The following IFT140 variants were observed in gnomAD, a reference collection of about 807,000 sequenced individuals.
IFT140 encodes intraflagellar transport protein 140 homolog.
In IFT140, 133 loss-of-function variants were observed where a neutral mutation model predicts 164.6. That is an observed-to-expected ratio of 0.81 (90% confidence interval 0.70 to 0.93). The LOEUF (loss-of-function observed/expected upper bound fraction) is 0.93, where lower values mean the gene tolerates loss of function less well. Ranked by LOEUF, IFT140 falls within the 40% of genes least tolerant of loss-of-function variation. IFT140 has a pLI of 0.00. For synonymous variants in IFT140, 860 were observed against 817.3 expected, an observed-to-expected ratio of 1.05 and a Z score of -0.89; for missense variants, 2,045 against 1,972.3, an observed-to-expected ratio of 1.04 and a Z score of -0.70.
chr16:1,583,437 A>AGTTGCACCTC, intron 11 of IFT140, 51 bp from the exon 12 acceptor site: 1 of 1,485,070 alleles, frequency 6.7e-7, no homozygotes, highest in Non-Finnish European at 9.4e-7. Flanking sequence ...AGTGAGGTGC[A>AGTTGCACCTC]ACTGTACACC....
Position 1,519,949 on chromosome 16 carries a change from G to T in IFT140, c.3972C>A (p.Asp1324Glu). 1 of 1,606,148 alleles carries T rather than the reference G, an allele frequency of 6.2e-7. No individual in the cohort carries two copies. The highest frequency in any genetic ancestry group is 1.3e-5 in the African/African-American group (1 of 74,472). ...LAKAKAKSPLDQETRLAQLQS... is the reference protein window; with the variant it reads ...LAKAKAKSPLEQETRLAQLQS... Reference sequence around the variant, plus strand: ...GCAGCTGCGCCAGCCTGGTCTCCTGGTCCAGGGGGCTCTTGGCCTTGGCCT... The same window carrying T: ...GCAGCTGCGCCAGCCTGGTCTCCTGTTCCAGGGGGCTCTTGGCCTTGGCCT... Residue 1324 changes from aspartate (D) to glutamate (E), a missense_variant, in exon 29 of 31, where the codon GAC becomes GAA. Transcript: ENST00000426508.
intron 19 of IFT140, among the ~76,000 whole-genome samples, chr16:1,550,553 G>A (rs2032549529): frequency 6.6e-6 from 1 of 152,376 alleles, no homozygotes; most frequent in East Asian, 1.9e-4. Flanking sequence ...GGTGGGCCTC[G>A]AGGGACCCAG....
In IFT140 at chr16:1,520,233, C is replaced by T; in HGVS notation, c.3771G>A (p.Leu1257=). 2.5e-6 allele frequency: 4 copies of T among 1,614,248 alleles called. No individual in the cohort carries two copies. The highest frequency in any genetic ancestry group is 3.4e-6 in the Non-Finnish European group (4 of 1,180,052). Residue 1257 remains leucine (L), a synonymous_variant, in exon 28 of 31, where the codon CTG becomes CTA. Transcript: ENST00000426508. ...YIMAANYLQS[L]DWRKEPEIMK... ...TGATCTCCGGCTCCTTCCGCCAGTC[C>T]AGGGACTGCAGGTAGTTAGCAGCCA... is the stretch of plus-strand genomic sequence containing the variant.
chr16:1,514,815 T>G (rs547097421), intron 30 of IFT140: 1 of 152,252 alleles, frequency 6.6e-6, no homozygotes, highest in African/African-American at 2.4e-5. Context: ...ACCCAGATAT[T>G]GGAACCGGTA....
intron 9 of IFT140, among the ~76,000 whole-genome samples, 165 bp from the exon 10 acceptor site, chr16:1,586,440 C>G (rs998942747): frequency 7.9e-5 from 12 of 152,124 alleles, no homozygotes; most frequent in Non-Finnish European, 1.5e-4. Context: ...CCTTGCTGCC[C>G]TGACCTCACA....
intron 10 of IFT140, 127 bp downstream of exon 10, chr16:1,586,003 C>T (rs2034854534): frequency 3.8e-6 from 4 of 1,061,852 alleles, no homozygotes; most frequent in African/African-American, 1.6e-5. Flanking sequence ...GATCTCCTGA[C>T]CTCATGATCC....
intron 7 of IFT140, among the ~76,000 whole-genome samples, chr16:1,588,712 C>T (rs375759406): frequency 3.3e-5 from 5 of 151,974 alleles, no homozygotes; most frequent in East Asian, 1.9e-4. Context: ...CAGGGCCCAC[C>T]GGCCAGTGAG....
chr16:1,602,219 C>T (rs2035829117), intron 4 of IFT140, 151 bp downstream of exon 4: 8 of 728,350 alleles, frequency 1.1e-5, no homozygotes, highest in Non-Finnish European at 1.8e-5. Context: ...TCAAGCCTTG[C>T]TTCCAATATA....
At chr16:1,574,165 C>A (rs1032697910) in intron 13 of IFT140, among the ~76,000 whole-genome samples, 3 of 152,310 alleles carry the variant, frequency 2.0e-5, no homozygotes, top group South Asian at 4.2e-4. Flanking sequence ...TCCCTCTTTT[C>A]GGCCTTAAAA....
chr16:1,607,649 C>T (rs2036144726), intron 2 of IFT140, among the ~76,000 whole-genome samples: 1 of 152,204 alleles, frequency 6.6e-6, no homozygotes, highest in Admixed American at 6.5e-5. Context: ...TTCTGTAGTT[C>T]CCTTTAACTT....
chr16:1,541,248 G>A (rs2031604399), intron 19 of IFT140: 28 of 985,454 alleles, frequency 2.8e-5, no homozygotes, highest in Non-Finnish European at 3.4e-5. Flanking sequence ...TGAAAGATTT[G>A]TGGCAGATGG....
In IFT140 at chr16:1,586,310, T is replaced by TA. The variant is rs544798316; in HGVS notation, c.1010-36dup. On this transcript the variant is annotated intron_variant, in intron 9 of 30. Transcript: ENST00000426508. ...GAAACAAACTGCATGTGAACAGAGT[T>TA]AAAAAAAGGGAACAAAACAGCAACA... is the stretch of plus-strand genomic sequence containing the variant. 1.8e-3 allele frequency: 2,802 copies of TA among 1,581,986 alleles called. 6 individuals carry two copies. Among genetic ancestry groups the TA allele is most frequent in the African/African-American group, 8.8e-3 (649 of 73,658 alleles).
At chr16:1,545,741 A>T in intron 19 of IFT140, among the ~76,000 whole-genome samples, 1 of 152,258 alleles carries the variant, frequency 6.6e-6, no homozygotes, top group Admixed American at 6.5e-5. Flanking sequence ...GGAAAGCCAG[A>T]GTGCAGCACA....
At chr16:1,529,331 G>A (rs1056951898) in intron 19 of IFT140, among the ~76,000 whole-genome samples, 1 of 152,224 alleles carries the variant, frequency 6.6e-6, no homozygotes. Context: ...CTGGGGGGCC[G>A]GGAAGTGAGC....
chr16:1,563,292 A>G (rs1463584396), intron 17 of IFT140, among the ~76,000 whole-genome samples: 2 of 150,888 alleles, frequency 1.3e-5, no homozygotes, highest in Non-Finnish European at 2.9e-5. Flanking sequence ...CTGACTGCAG[A>G]TAACTTTTTT....
intron 19 of IFT140, among the ~76,000 whole-genome samples, chr16:1,535,754 C>T (rs1312173225): frequency 6.6e-6 from 1 of 152,252 alleles, no homozygotes; most frequent in Non-Finnish European, 1.5e-5. Context: ...CTCAAAGGCC[C>T]TCGGCTGCAC....
chr16:1,545,780 AAG>A (rs1228739289), intron 19 of IFT140, among the ~76,000 whole-genome samples: 3 of 152,204 alleles, frequency 2.0e-5, no homozygotes, highest in Admixed American at 2.0e-4. Context: ...GTCAGCTCCA[AAG>A]AGAGGCGATG....
chr16:1,553,596 G>A lies in IFT140; in HGVS notation c.2399+4339C>T, dbSNP rs2032855595. The stretch of plus-strand genomic sequence containing the variant: ...CAGTGTAAGTTACAGAGAGTCTCTG[G>A]CACTTTGGGTACAAGAAACAGACTC... On this transcript the variant is annotated intron_variant, in intron 19 of 30. Transcript: ENST00000426508. This position sits in a 1 kb window ranked among gnomAD's most constrained non-coding sequence, Gnocchi z 4.4. 23 of 1,026,468 alleles carry A rather than the reference G, an allele frequency of 2.2e-5. No homozygotes were observed. Among genetic ancestry groups the A allele is most frequent in the Non-Finnish European group, 2.6e-5 (22 of 852,994 alleles). 63.6% of individuals were successfully genotyped at this position (1,026,468 alleles called of 1,614,324 possible). A position where few individuals can be genotyped will look rare whatever the true frequency, so the allele number is the denominator to read the frequency against.
intron 20 of IFT140, chr16:1,526,279 G>A (rs909757702): frequency 9.8e-6 from 6 of 611,522 alleles, no homozygotes; most frequent in African/African-American, 1.9e-5. Flanking sequence ...GCACCACCAA[G>A]GGGTACCCCA....
Sources: gnomAD v4.1 joint callset for allele counts (sites outside exome capture counted in the v4.1 genomes callset) on GRCh38, gnomAD v4.1.1 for gene constraint, Gnocchi (gnomAD v3.1) non-coding constraint, MANE v1.5 for transcripts, NCBI Gene and HGNC (gene_info 2026-07-23, HGNC 2026-07-21) for gene names.